The following CCDC146 variants were observed in gnomAD, a reference collection of about 807,000 sequenced individuals.
CCDC146 encodes coiled-coil domain containing 146, also known as coiled-coil domain-containing protein 146.
A neutral mutation model predicts 119.3 loss-of-function variants in CCDC146; 92 were observed. The ratio of observed to expected loss-of-function variants is 0.77; its 90% CI spans 0.65 to 0.92. The LOEUF is 0.92. Among genes scored for constraint, CCDC146 ranks in the 40% least tolerant of loss-of-function variants. The pLI is 0.00. For missense variants in CCDC146, 1,000 were observed against 1,103.0 expected (o/e 0.91, Z 1.32); for synonymous variants, 372 against 371.8 (o/e 1.00, Z -0.01).
intron 1 of CCDC146, among the ~76,000 whole-genome samples, chr7:77,133,828 T>TAC (rs142218364): frequency 0.21 from 30,779 of 143,564 alleles, 3,565 homozygotes; most frequent in East Asian, 0.41. Context: ...TATGCTTAGG[T>TAC]ACACACACAC....
chr7:77,154,760 ACATGTGCGTG>A (rs1196521397), intron 1 of CCDC146, among the ~76,000 whole-genome samples: 1 of 152,184 alleles, frequency 6.6e-6, no homozygotes, highest in African/African-American at 2.4e-5. Context: ...GCCGCAATAA[ACATGTGCGTG>A]CATGTGTCTT....
intron 2 of CCDC146, among the ~76,000 whole-genome samples, chr7:77,234,162 C>T (rs577699935): frequency 2.7e-4 from 41 of 152,156 alleles, no homozygotes; most frequent in African/African-American, 9.4e-4. Flanking sequence ...TCATTGTACC[C>T]ATATACATAC....
intron 1 of CCDC146, among the ~76,000 whole-genome samples, chr7:77,144,239 A>G (rs1025608004): frequency 6.6e-6 from 1 of 151,690 alleles, no homozygotes; most frequent in African/African-American, 2.4e-5. Context: ...GTGTATAAGA[A>G]TGCTTGTGAT....
chr7:77,260,981 C>T (rs1793285427), intron 8 of CCDC146, among the ~76,000 whole-genome samples: 1 of 151,976 alleles, frequency 6.6e-6, no homozygotes, highest in Non-Finnish European at 1.5e-5. Flanking sequence ...CTATCTCTGC[C>T]AGTCTGTTAT....
chr7:77,184,092 A>G (rs764397650), intron 2 of CCDC146, among the ~76,000 whole-genome samples: 9 of 152,200 alleles, frequency 5.9e-5, no homozygotes, highest in Non-Finnish European at 1.3e-4. Context: ...CCAAAGGGAT[A>G]TGTGATAGGC....
At chr7:77,216,963 C>CT (rs11421026) in intron 2 of CCDC146, among the ~76,000 whole-genome samples, 2 of 151,742 alleles carry the variant, frequency 1.3e-5, no homozygotes, top group Admixed American at 6.6e-5. Context: ...ATCTTTTTAA[C>CT]TTTTTTTTGT....
At chr7:77,231,349 A>AG (rs1792623110) in intron 2 of CCDC146, among the ~76,000 whole-genome samples, 5 of 152,360 alleles carry the variant, frequency 3.3e-5, no homozygotes, top group Middle Eastern at 3.4e-3. Flanking sequence ...TAATAAGGAA[A>AG]GAAAAAAAAG....
In CCDC146 at chr7:77,274,122, G is replaced by C. The variant is rs192869531; in HGVS notation, c.1269+333G>C. 5.7e-4 allele frequency among the ~76,000 whole-genome samples: 86 copies of C among 152,196 alleles called. 1 individual carries two copies. Among genetic ancestry groups the C allele is most frequent in the Admixed American group, 3.4e-3 (52 of 15,296 alleles). On this transcript the variant is annotated intron_variant, in intron 10 of 18. Transcript: ENST00000285871. ...GTTTTTATGTGTCTTCTTTTTCTTA[G>C]TCACTTGAAAATACAGTCTAAATAC...
chr7:77,187,957 C>T (rs879456957), intron 2 of CCDC146, among the ~76,000 whole-genome samples: 7 of 152,200 alleles, frequency 4.6e-5, no homozygotes, highest in African/African-American at 1.7e-4. Flanking sequence ...CCAATCCCAG[C>T]GGCCGTACTT....
At chr7:77,149,184 A>G (rs1791070031) in intron 1 of CCDC146, among the ~76,000 whole-genome samples, 1 of 152,116 alleles carries the variant, frequency 6.6e-6, no homozygotes. Flanking sequence ...CACATCTACA[A>G]CCATCTGATC....
At chr7:77,261,985 C>G in intron 8 of CCDC146, 136 bp from the exon 9 acceptor site, 1 of 652,542 alleles carries the variant, frequency 1.5e-6, no homozygotes, top group Non-Finnish European at 2.6e-6. Flanking sequence ...CTGGGTCAAA[C>G]GGTAGTTCTG....
chr7:77,259,932 T>C (rs1793255998), intron 7 of CCDC146, 77 bp from the exon 8 acceptor site: 1 of 961,022 alleles, frequency 1.0e-6, no homozygotes, highest in East Asian at 2.5e-5. Flanking sequence ...GGCCTCAAAA[T>C]AAGGCAAGTG....
intron 1 of CCDC146, among the ~76,000 whole-genome samples, chr7:77,148,140 C>T (rs1791052029): frequency 6.6e-6 from 1 of 152,198 alleles, no homozygotes; most frequent in South Asian, 2.1e-4. Flanking sequence ...TCACTGCCAC[C>T]TTGCAGTTTG....
chr7:77,242,702 G>A (rs1203652666), intron 4 of CCDC146, among the ~76,000 whole-genome samples: 1 of 152,182 alleles, frequency 6.6e-6, no homozygotes, highest in Non-Finnish European at 1.5e-5. Context: ...GTTTCTCCTA[G>A]AGTTTGTTAC....
intron 3 of CCDC146, among the ~76,000 whole-genome samples, chr7:77,240,145 T>C (rs1410449917): frequency 6.6e-6 from 1 of 152,084 alleles, no homozygotes; most frequent in African/African-American, 2.4e-5. Flanking sequence ...GTTTGGGGAG[T>C]TCAAGGGAAA....
At chr7:77,290,753 G>A (rs1382394375) in intron 17 of CCDC146, among the ~76,000 whole-genome samples, 2 of 152,288 alleles carry the variant, frequency 1.3e-5, no homozygotes, top group African/African-American at 2.4e-5. Context: ...TCATAAAAAT[G>A]TATATTACCT....
At position 77,258,849 on chromosome 7, in the gene CCDC146, G is replaced by A. The variant is rs186122074; in HGVS notation, c.685-146G>A. On this transcript the variant is annotated intron_variant, in intron 6 of 18. Coordinates refer to ENST00000285871, the MANE Select transcript of CCDC146 (RefSeq NM_020879.3). ...TAGCTCTCTTACAAGGTCACCGTGA[G>A]TATTAAATGGGATAATTAAAGCACA... 103 of 626,114 alleles carry A rather than the reference G, an allele frequency of 1.6e-4. 1 individual carries two copies. In the Admixed American group the frequency reaches 1.9e-3, roughly 12 times the overall value. The allele number at this position is 626,114 out of a possible 1,614,324, so 38.8% of individuals were successfully genotyped here.
intron 2 of CCDC146, among the ~76,000 whole-genome samples, chr7:77,211,682 C>T (rs1792187412): frequency 6.6e-6 from 1 of 152,044 alleles, no homozygotes; most frequent in Non-Finnish European, 1.5e-5. Flanking sequence ...GTGGCGTGAT[C>T]TCAGCTCACT....
intron 2 of CCDC146, among the ~76,000 whole-genome samples, chr7:77,182,785 C>A (rs910019947): frequency 1.3e-5 from 2 of 151,960 alleles, no homozygotes. Context: ...AAAGGCCAGA[C>A]CCTGTCTCAA....
Sources: gnomAD v4.1 joint callset for allele counts (sites outside exome capture counted in the v4.1 genomes callset) on GRCh38, gnomAD v4.1.1 for gene constraint, MANE v1.5 for transcripts, NCBI Gene and HGNC (gene_info 2026-07-23, HGNC 2026-07-21) for gene names.